Variants in SMIM14 observed in about 807,000 individuals in gnomAD.
The protein encoded by SMIM14 is chromosome 4 open reading frame 34.
SMIM14 carries 5 observed loss-of-function variants against 12.6 expected under a neutral mutation model. That is an observed-to-expected ratio of 0.40 (90% CI 0.21 to 0.83). The LOEUF is 0.83. Among genes scored for constraint, SMIM14 ranks in the 40% least tolerant of loss-of-function variants. The pLI, the probability that SMIM14 is intolerant of heterozygous loss-of-function variation, is 0.37. For missense variants in SMIM14, 86 were observed against 119.1 expected (o/e 0.72, Z 1.29); for synonymous variants, 30 against 40.1 (o/e 0.75, Z 0.95).
chr4:39,567,703 C>T (rs1485443590), intron 3 of SMIM14, among the ~76,000 whole-genome samples: 1 of 151,874 alleles, frequency 6.6e-6, no homozygotes, highest in African/African-American at 2.4e-5. Context: ...TGCCATTGCA[C>T]TCCAGCTTGG....
intron 2 of SMIM14, among the ~76,000 whole-genome samples, chr4:39,586,769 G>T (rs1160515051): frequency 6.6e-6 from 1 of 151,996 alleles, no homozygotes; most frequent in East Asian, 1.9e-4. Flanking sequence ...AACACTTTTT[G>T]TCTTAGTTTG....
chr4:39,560,432 C>T (rs1179821811), intron 3 of SMIM14, among the ~76,000 whole-genome samples: 1 of 151,722 alleles, frequency 6.6e-6, no homozygotes, highest in Non-Finnish European at 1.5e-5. Flanking sequence ...CCTTGGCCTC[C>T]GAAAATGCTG....
chr4:39,574,769 A>G (rs1251240616), intron 2 of SMIM14, among the ~76,000 whole-genome samples: 1 of 152,194 alleles, frequency 6.6e-6, no homozygotes, highest in Non-Finnish European at 1.5e-5. Flanking sequence ...TGGAATTAAC[A>G]ACTAAACGAA....
intron 1 of SMIM14, among the ~76,000 whole-genome samples, chr4:39,636,600 G>C (rs954106461): frequency 2.2e-4 from 34 of 152,180 alleles, no homozygotes; most frequent in African/African-American, 6.0e-4. Context: ...TAGCATTTTG[G>C]GAGGCTGAGG....
chr4:39,608,673 G>C (rs1413466446), intron 1 of SMIM14, among the ~76,000 whole-genome samples: 1 of 152,212 alleles, frequency 6.6e-6, no homozygotes, highest in Non-Finnish European at 1.5e-5. Flanking sequence ...ACTGCTTAAA[G>C]AGTTTCTATC....
rs1355465774 is a variant in SMIM14 at position 39,632,826 on chromosome 4, CAA to C, written c.-36+5911_-36+5912del. Among the ~76,000 whole-genome samples the C allele has an allele frequency of 1.0e-4, 12 of 117,938 alleles. 1 individual carries two copies. Among genetic ancestry groups the C allele is most frequent in the African/African-American group, 2.0e-4 (6 of 30,026 alleles). 77.4% of individuals were successfully genotyped at this position (117,938 alleles called of 152,430 possible). The stretch of plus-strand genomic sequence containing the variant: ...ACACACACACACACACACACACACA[CAA>C]AAGAAAAAGAAAAACCTTTATGTCT... On this transcript the variant is annotated intron_variant, in intron 1 of 4. Transcript: ENST00000295958.
intron 1 of SMIM14, among the ~76,000 whole-genome samples, chr4:39,628,743 CTTTTTTT>C: frequency 2.1e-5 from 2 of 95,314 alleles, no homozygotes; most frequent in South Asian, 7.6e-4. Flanking sequence ...TTTCTTTTTT[CTTTTTTT>C]GAGCCGGAGT....
At chr4:39,567,008 C>T (rs114850818) in intron 3 of SMIM14, among the ~76,000 whole-genome samples, 1,700 of 151,506 alleles carry the variant, frequency 0.011, 11 homozygotes, top group African/African-American at 0.019. Flanking sequence ...TGCTGGTACA[C>T]GCTTGTAATC....
chr4:39,621,693 T>TC (rs1487691879), intron 1 of SMIM14, among the ~76,000 whole-genome samples: 239 of 132,410 alleles, frequency 1.8e-3, no homozygotes, highest in Admixed American at 3.4e-3. Flanking sequence ...TTTCTTTTTT[T>TC]TTTTTTTTTT....
At chr4:39,621,565 T>C (rs1715489474) in intron 1 of SMIM14, among the ~76,000 whole-genome samples, 1 of 152,092 alleles carries the variant, frequency 6.6e-6, no homozygotes, top group Non-Finnish European at 1.5e-5. Context: ...CAAAGGTTTA[T>C]ATACAAAGAT....
At chr4:39,585,887 A>G (rs1713761587) in intron 2 of SMIM14, among the ~76,000 whole-genome samples, 1 of 152,110 alleles carries the variant, frequency 6.6e-6, no homozygotes, top group Non-Finnish European at 1.5e-5. Context: ...ATTGCTGTTA[A>G]GGTCGCTCTT....
At position 39,572,376 on chromosome 4, in the gene SMIM14, C is replaced by T. The variant is rs1426572733; in HGVS notation, c.124+39G>A. On this transcript the variant is annotated intron_variant, in intron 3 of 4. Transcript: ENST00000295958. ...ACAGGCATCTGGCCTCTAATTCTGC[C>T]CCCAATGCCATCCTTCCTCCTGTCT... 4 of 1,477,890 alleles carry T rather than the reference C, an allele frequency of 2.7e-6. No individual in the cohort carries two copies. The Admixed American group carries it at 7.7e-5, about 29-fold the overall frequency. The allele number at this position is 1,477,890 out of a possible 1,614,324, so 91.5% of individuals were successfully genotyped here. A position where few individuals can be genotyped will look rare whatever the true frequency, so the allele number is the denominator to read the frequency against.
At chr4:39,600,764 G>A (rs1199486897) in intron 2 of SMIM14, among the ~76,000 whole-genome samples, 2 of 150,962 alleles carry the variant, frequency 1.3e-5, no homozygotes, top group East Asian at 1.9e-4. Context: ...CCAGCTACTC[G>A]GGAGGCTGAG....
chr4:39,607,041 C>T (rs1714839883), intron 1 of SMIM14, among the ~76,000 whole-genome samples: 1 of 152,054 alleles, frequency 6.6e-6, no homozygotes, highest in Admixed American at 6.6e-5. Flanking sequence ...GGTGGATAAA[C>T]CAGTAGTCCC....
In SMIM14 at chr4:39,576,660, G is replaced by GTGTATATATATATATA. The variant is rs1339477098; in HGVS notation, c.76-4198_76-4197insTATATATATATATACA. 1.2e-3 allele frequency among the ~76,000 whole-genome samples: 90 copies of GTGTATATATATATATA among 72,352 alleles called. 8 individuals are homozygous for GTGTATATATATATATA. Among genetic ancestry groups the GTGTATATATATATATA allele is most frequent in the East Asian group, 7.8e-3 (17 of 2,172 alleles). 47.5% of individuals were successfully genotyped at this position (72,352 alleles called of 152,430 possible). A position where few individuals can be genotyped will look rare whatever the true frequency, so the allele number is the denominator to read the frequency against. ...CTTATACCTATGTGTGTGTGTATGT[G>GTGTATATATATATATA]TATATATATATATATATATATATAT... is the stretch of plus-strand genomic sequence containing the variant. On this transcript the variant is annotated intron_variant, in intron 2 of 4. Coordinates refer to ENST00000295958, the MANE Select transcript of SMIM14 (RefSeq NM_174921.3).
At chr4:39,564,707 G>A (rs996273330) in intron 3 of SMIM14, among the ~76,000 whole-genome samples, 3 of 152,198 alleles carry the variant, frequency 2.0e-5, no homozygotes, top group Non-Finnish European at 4.4e-5. Context: ...CTTTTAAGCA[G>A]GGGGCTAAGG....
chr4:39,585,290 CTATTATTAT>C lies in SMIM14; in HGVS notation c.76-12836_76-12828del, dbSNP rs151026017. ...TGGTCTAGATATTCACATATTACTTCTATTATTATTATTATTATTATTAGAGACAGAGTT... is the reference window on the plus strand; with the variant it reads ...TGGTCTAGATATTCACATATTACTTCTATTATTATTATTAGAGACAGAGTT... On this transcript the variant is annotated intron_variant, in intron 2 of 4. Coordinates refer to ENST00000295958, the MANE Select transcript of SMIM14 (RefSeq NM_174921.3). Among the ~76,000 whole-genome samples, 9 of 150,282 alleles carry C rather than the reference CTATTATTAT, an allele frequency of 6.0e-5. 1 individual carries two copies. Among genetic ancestry groups the C allele is most frequent in the Middle Eastern group, 6.9e-3 (2 of 288 alleles).
chr4:39,578,331 G>T (rs1361080813), intron 2 of SMIM14, among the ~76,000 whole-genome samples: 7 of 152,118 alleles, frequency 4.6e-5, no homozygotes, highest in Non-Finnish European at 1.0e-4. Flanking sequence ...TCACAGTTTT[G>T]ATGCAACTCT....
chr4:39,637,819 C>A (rs182570200), intron 1 of SMIM14, among the ~76,000 whole-genome samples: 1 of 152,196 alleles, frequency 6.6e-6, no homozygotes, highest in Non-Finnish European at 1.5e-5. Flanking sequence ...GAAGGTCTTA[C>A]GCTTTCCAAG....
Sources: gnomAD v4.1 joint callset for allele counts (sites outside exome capture counted in the v4.1 genomes callset) on GRCh38, gnomAD v4.1.1 for gene constraint, MANE v1.5 for transcripts, NCBI Gene and HGNC (gene_info 2026-07-23, HGNC 2026-07-21) for gene names.